The following CAMKMT variants were observed in gnomAD, a reference collection of about 807,000 sequenced individuals.
CAMKMT encodes CaM KMT.
A neutral mutation model predicts 48.0 loss-of-function variants in CAMKMT; 53 were observed. The observed-to-expected ratio is 1.10, with a 90% CI of 0.89 to 1.39. The LOEUF is 1.39. Ranked by LOEUF, CAMKMT falls within the 40% of genes most tolerant of loss-of-function variation. The pLI is 0.00. For synonymous variants in CAMKMT, 165 were observed against 152.3 expected (o/e 1.08, Z -0.61); for missense variants, 428 against 402.7 (o/e 1.06, Z -0.54).
intron 3 of CAMKMT, among the ~76,000 whole-genome samples, chr2:44,478,976 G>A (rs546327032): frequency 5.3e-5 from 8 of 152,316 alleles, no homozygotes; most frequent in African/African-American, 1.9e-4. Flanking sequence ...TGGGATTACA[G>A]GCGTGAGCCA....
At chr2:44,396,420 C>G (rs938688093) in intron 3 of CAMKMT, among the ~76,000 whole-genome samples, 24 of 151,854 alleles carry the variant, frequency 1.6e-4, no homozygotes, top group South Asian at 2.1e-4. Context: ...AATCTGAAAA[C>G]CTGTAAGATA....
At chr2:44,465,378 G>A (rs758811276) in intron 3 of CAMKMT, among the ~76,000 whole-genome samples, 13 of 151,966 alleles carry the variant, frequency 8.6e-5, no homozygotes, top group Non-Finnish European at 1.3e-4. Context: ...CAGGTAGATC[G>A]CTTGAGGTTA....
intron 3 of CAMKMT, among the ~76,000 whole-genome samples, chr2:44,645,367 G>A (rs959966105): frequency 2.2e-4 from 33 of 152,132 alleles, no homozygotes; most frequent in Non-Finnish European, 4.0e-4. Context: ...AAACCACAGC[G>A]GAGAGGCTAG....
chr2:44,665,352 T>C (rs1208644031), intron 3 of CAMKMT, among the ~76,000 whole-genome samples: 1 of 152,186 alleles, frequency 6.6e-6, no homozygotes, highest in African/African-American at 2.4e-5. Context: ...ATTACAGGTG[T>C]GAGCCACCGT....
intron 3 of CAMKMT, among the ~76,000 whole-genome samples, chr2:44,677,303 A>T (rs1675759113): frequency 3.3e-5 from 5 of 152,168 alleles, no homozygotes; most frequent in Admixed American, 3.3e-4. Context: ...GAGTCACCAA[A>T]CATCTCTTCC....
rs76151737 is a variant in CAMKMT at position 44,640,686 on chromosome 2, A to C, written c.377-63597A>C. On this transcript the variant is annotated intron_variant, in intron 3 of 10. Transcript: ENST00000378494. ...TTACTATTATTGGTGCTTTGCTATT[A>C]TTAGTACTACTAATAATAATGTCGT... 7.8e-3 allele frequency among the ~76,000 whole-genome samples: 1,184 copies of C among 152,322 alleles called. 19 individuals carry two copies. The highest frequency in any genetic ancestry group is 0.027 in the African/African-American group (1,113 of 41,570).
At chr2:44,527,083 C>A (rs891028009) in intron 3 of CAMKMT, among the ~76,000 whole-genome samples, 1 of 147,162 alleles carries the variant, frequency 6.8e-6, no homozygotes, top group African/African-American at 2.5e-5. Context: ...TGACAACCAC[C>A]CCCAGTTTTT....
intron 9 of CAMKMT, among the ~76,000 whole-genome samples, chr2:44,759,642 G>C (rs913877331): frequency 3.3e-5 from 5 of 152,108 alleles, no homozygotes; most frequent in Non-Finnish European, 7.4e-5. Flanking sequence ...TGAGAAGTTA[G>C]CTCCTACAGT....
At chr2:44,525,757 A>G (rs374849268) in intron 3 of CAMKMT, among the ~76,000 whole-genome samples, 16 of 152,198 alleles carry the variant, frequency 1.1e-4, no homozygotes, top group African/African-American at 3.6e-4. Context: ...TATGAGGTCA[A>G]CAGCTAATAA....
intron 8 of CAMKMT, among the ~76,000 whole-genome samples, chr2:44,753,396 T>A (rs963784506): frequency 7.1e-6 from 1 of 141,346 alleles, no homozygotes. Context: ...CAAAATCCTG[T>A]CTCAGAAACA....
intron 3 of CAMKMT, among the ~76,000 whole-genome samples, chr2:44,432,469 G>A: frequency 6.6e-6 from 1 of 152,208 alleles, no homozygotes; most frequent in East Asian, 1.9e-4. Flanking sequence ...GGTCTCAGAA[G>A]AGAATACTGG....
intron 3 of CAMKMT, among the ~76,000 whole-genome samples, chr2:44,556,184 G>A (rs1438248495): frequency 2.0e-5 from 3 of 151,882 alleles, no homozygotes; most frequent in Non-Finnish European, 4.4e-5. Context: ...TGTCACCCAG[G>A]CTGGAGTGCA....
At chr2:44,477,953 A>G (rs1255574461) in intron 3 of CAMKMT, among the ~76,000 whole-genome samples, 1 of 152,182 alleles carries the variant, frequency 6.6e-6, no homozygotes, top group Non-Finnish European at 1.5e-5. Context: ...TTCCTTTCTA[A>G]GATTTCAGTG....
intron 3 of CAMKMT, among the ~76,000 whole-genome samples, chr2:44,534,604 G>A (rs1666664450): frequency 6.6e-6 from 1 of 151,940 alleles, no homozygotes. Context: ...ACAAATATAT[G>A]GAAATTAAAC....
chr2:44,675,584 C>T (rs906528121), intron 3 of CAMKMT, among the ~76,000 whole-genome samples: 4 of 152,120 alleles, frequency 2.6e-5, no homozygotes, highest in South Asian at 4.1e-4. Flanking sequence ...AGTTTTCAAA[C>T]GTCTTTTATT....
intron 3 of CAMKMT, among the ~76,000 whole-genome samples, chr2:44,698,341 A>C (rs534382536): frequency 6.6e-6 from 1 of 152,316 alleles, no homozygotes; most frequent in South Asian, 2.1e-4. Flanking sequence ...ATAAATAAAA[A>C]CATACAACAT....
chr2:44,394,819 C>T, intron 3 of CAMKMT: 1 of 453,722 alleles, frequency 2.2e-6, no homozygotes, highest in Non-Finnish European at 4.4e-6. Flanking sequence ...GTATCTAAAA[C>T]TGATCTCTTT....
intron 3 of CAMKMT, among the ~76,000 whole-genome samples, chr2:44,531,887 C>T (rs1193183019): frequency 6.6e-6 from 1 of 152,044 alleles, no homozygotes; most frequent in African/African-American, 2.4e-5. Context: ...TTTTAAAGTG[C>T]TATAATTCTG....
At chr2:44,619,709 G>A (rs1456989859) in intron 3 of CAMKMT, among the ~76,000 whole-genome samples, 29 of 152,124 alleles carry the variant, frequency 1.9e-4, no homozygotes, top group Admixed American at 1.9e-3. Context: ...AACCTACAGT[G>A]GTTACGTCCT....
Sources: gnomAD v4.1 joint callset for allele counts (sites outside exome capture counted in the v4.1 genomes callset) on GRCh38, gnomAD v4.1.1 for gene constraint, MANE v1.5 for transcripts, NCBI Gene and HGNC (gene_info 2026-07-23, HGNC 2026-07-21) for gene names.